ZZEF1: variants seen among roughly 807,000 people sequenced by gnomAD.
ZZEF1 encodes the protein zinc finger ZZ-type and EF-hand domain-containing protein 1.
In ZZEF1, 157 loss-of-function variants were observed where a neutral mutation model predicts 342.8. That is an observed-to-expected ratio of 0.46 (90% CI 0.40 to 0.52). ZZEF1 has a LOEUF of 0.52. Ranked by LOEUF, ZZEF1 falls within the 20% of genes least tolerant of loss-of-function variation. The pLI is 0.00. For missense variants in ZZEF1, 3,480 were observed against 3,725.6 expected (o/e 0.93, Z 1.72); for synonymous variants, 1,505 against 1,429.1 (o/e 1.05, Z -1.20).
At chr17:4,061,787 G>C (rs1690202427) in intron 30 of ZZEF1, among the ~76,000 whole-genome samples, 2 of 150,860 alleles carry the variant, frequency 1.3e-5, no homozygotes, top group African/African-American at 4.8e-5. Context: ...AATGCATTCT[G>C]AATCTCATCC....
chr17:4,075,403 T>C lies in ZZEF1; in HGVS notation c.3261A>G (p.Glu1087=), dbSNP rs77816912. The part of the protein sequence containing the change: ...RKLDVETWQQ[E]QPVVLHTWTK... ...TCCACGTATGTAACACCACAGGCTG[T>C]TCCTGTTGCCAGGTCTCAACATCCA... The change falls in exon 22 of 55, where the codon GAA becomes GAG. Residue 1087 remains glutamate (E), a synonymous_variant. Transcript: ENST00000381638. 1.2e-6 allele frequency: 2 copies of C among 1,614,122 alleles called. No homozygotes were observed. Among genetic ancestry groups the C allele is most frequent in the East Asian group, 2.2e-5 (1 of 44,892 alleles).
chr17:4,039,224 T>C (rs1306668821), intron 39 of ZZEF1, among the ~76,000 whole-genome samples: 2 of 152,072 alleles, frequency 1.3e-5, no homozygotes, highest in African/African-American at 4.8e-5. Flanking sequence ...TCCCAGCACT[T>C]TGGGAGGCTG....
intron 44 of ZZEF1, 128 bp from the exon 45 acceptor site, chr17:4,021,448 T>C (rs2056268047): frequency 1.5e-6 from 1 of 649,816 alleles, no homozygotes; most frequent in African/African-American, 1.9e-5. Context: ...AATGTGAAAT[T>C]AGAAAAGAAA....
chr17:4,024,237 A>G (rs1170926152), intron 43 of ZZEF1, among the ~76,000 whole-genome samples: 4 of 109,912 alleles, frequency 3.6e-5, no homozygotes, highest in African/African-American at 1.1e-4. Flanking sequence ...TTGCTCTGTT[A>G]CCCAGGCTGG....
At chr17:4,082,329 G>A (rs140516681) in intron 17 of ZZEF1, 108 bp downstream of exon 17, 290 of 1,025,732 alleles carry the variant, frequency 2.8e-4, no homozygotes, top group Middle Eastern at 4.2e-4. Context: ...TTCTAACTGA[G>A]TGGCAGGAAG....
intron 37 of ZZEF1, among the ~76,000 whole-genome samples, chr17:4,049,088 C>T (rs2056990100): frequency 6.6e-6 from 1 of 152,134 alleles, no homozygotes; most frequent in Non-Finnish European, 1.5e-5. Flanking sequence ...GAGTGGTTAA[C>T]ACAGATATGG....
At chr17:4,038,871 C>T (rs1181831632) in intron 39 of ZZEF1, among the ~76,000 whole-genome samples, 2 of 152,058 alleles carry the variant, frequency 1.3e-5, no homozygotes, top group Admixed American at 6.6e-5. Flanking sequence ...AGGAATGCAG[C>T]GACTTACTCC....
At chr17:4,134,352 T>TTATA (rs141346270) in intron 1 of ZZEF1, among the ~76,000 whole-genome samples, 61 of 144,966 alleles carry the variant, frequency 4.2e-4, no homozygotes, top group Admixed American at 1.3e-3. Flanking sequence ...TTATATATAT[T>TTATA]TATATATATA....
At chr17:4,114,786 C>T (rs922183509) in intron 3 of ZZEF1, among the ~76,000 whole-genome samples, 1 of 152,158 alleles carries the variant, frequency 6.6e-6, no homozygotes, top group African/African-American at 2.4e-5. Flanking sequence ...TCTTTAATCA[C>T]TGATATATTT....
chr17:4,108,233 T>G (rs28481302), intron 6 of ZZEF1, among the ~76,000 whole-genome samples: 20,267 of 152,192 alleles, frequency 0.13, 1,560 homozygotes, highest in East Asian at 0.18. Context: ...ATGAGGACTA[T>G]CTGAAGTTGT....
chr17:4,137,862 T>TCATG (rs1368781159), intron 1 of ZZEF1, among the ~76,000 whole-genome samples: 4 of 152,206 alleles, frequency 2.6e-5, no homozygotes, highest in Non-Finnish European at 4.4e-5. Context: ...ACTATCTGAA[T>TCATG]CATGCCACAG....
intron 24 of ZZEF1, chr17:4,072,974 C>T (rs1437381875): frequency 2.5e-6 from 1 of 406,016 alleles, no homozygotes; most frequent in Non-Finnish European, 4.3e-6. Context: ...TGTGGAACAA[C>T]TTCAGTTACA....
intron 39 of ZZEF1, among the ~76,000 whole-genome samples, chr17:4,037,755 T>C (rs1567782934): frequency 6.6e-6 from 1 of 152,182 alleles, no homozygotes; most frequent in Non-Finnish European, 1.5e-5. Context: ...GGTTAATTTT[T>C]CTATTTTTTT....
In ZZEF1 at chr17:4,086,492, A is replaced by C; in HGVS notation, c.2506T>G (p.Cys836Gly). The change falls in exon 15 of 55, where the codon TGT becomes GGT. Residue 836 changes from cysteine (C) to glycine (G), a missense_variant. This residue lies in a region of ZZEF1 where 1,528 missense variants were observed against 1,624.1 expected (regional missense o/e 0.94). Coordinates refer to ENST00000381638, the MANE Select transcript of ZZEF1 (RefSeq NM_015113.4). ...EAAKELYTHL[C>G]DVVDKVDGDS... The stretch of plus-strand genomic sequence containing the variant: ...AGAAAACCCAAATCCCTACCATCAC[A>C]CAAGTGTGTGTACAGCTCCTTGGCA... The C allele has an allele frequency of 6.2e-7, 1 of 1,614,064 alleles. No individual in the cohort carries two copies. Among genetic ancestry groups the C allele is most frequent in the Non-Finnish European group, 8.5e-7 (1 of 1,179,994 alleles).
intron 3 of ZZEF1, among the ~76,000 whole-genome samples, chr17:4,114,858 G>A (rs1207399019): frequency 6.6e-6 from 1 of 152,140 alleles, no homozygotes; most frequent in East Asian, 1.9e-4. Context: ...TTTAAATAAT[G>A]AGTGACACTT....
chr17:4,069,048 C>T (rs546745672), intron 26 of ZZEF1, among the ~76,000 whole-genome samples: 2 of 152,372 alleles, frequency 1.3e-5, no homozygotes, highest in Non-Finnish European at 2.9e-5. Context: ...AAACAACCTG[C>T]ACACAGCAAG....
At chr17:4,045,657 A>G (rs2056897337) in intron 37 of ZZEF1, among the ~76,000 whole-genome samples, 1 of 152,074 alleles carries the variant, frequency 6.6e-6, no homozygotes, top group Non-Finnish European at 1.5e-5. Flanking sequence ...TTACTTTTCT[A>G]TAGAATTTGC....
In ZZEF1 at chr17:4,014,353, G is replaced by T; in HGVS notation, c.8308C>A (p.Leu2770Ile). 1 of 1,614,202 alleles carries T rather than the reference G, an allele frequency of 6.2e-7. No homozygotes were observed. Among genetic ancestry groups the T allele is most frequent in the Non-Finnish European group, 8.5e-7 (1 of 1,180,030 alleles). ...GSQQKWKDFE[L>I]PGDTLYYRFT... ...CGAGTATTTGTTTCACTACCTGGAA[G>T]TTCAAAATCTTTCCACTTCTGCTGA... The change falls in exon 50 of 55, where the codon CTT becomes ATT. Residue 2770 changes from leucine (L) to isoleucine (I), a missense_variant. By Grantham distance (5) the Leu-to-Ile change is conservative. Transcript: ENST00000381638. The surrounding 1 kb of genome is among the most constrained non-coding windows in gnomAD (Gnocchi z 4.4).
chr17:4,007,514 G>GT (rs1567753994), intron 54 of ZZEF1, among the ~76,000 whole-genome samples: 2 of 152,192 alleles, frequency 1.3e-5, no homozygotes, highest in African/African-American at 4.8e-5. Flanking sequence ...GCTGTGGGGG[G>GT]GGTCAGAAGA....
Sources: allele counts gnomAD v4.1 joint callset (sites outside exome capture counted in the v4.1 genomes callset), GRCh38; gene constraint gnomAD v4.1.1; regional missense constraint gnomAD v4.1.1; non-coding constraint Gnocchi (gnomAD v3.1); transcripts MANE v1.5; gene names NCBI Gene and HGNC (gene_info 2026-07-23, HGNC 2026-07-21).